Variants in DPP10 observed in about 807,000 individuals in gnomAD.
DPP10 encodes dipeptidyl peptidase like 10, also known as inactive dipeptidyl peptidase 10.
A neutral mutation model predicts 120.9 loss-of-function variants in DPP10; 33 were observed. The observed-to-expected ratio is 0.27, with a 90% CI of 0.21 to 0.37. The LOEUF (loss-of-function observed/expected upper bound fraction) is 0.37, where lower values mean the gene tolerates loss of function less well. Ranked by LOEUF, DPP10 falls within the 10% of genes least tolerant of loss-of-function variation. The pLI is 1.00. For synonymous variants in DPP10, 337 were observed against 326.1 expected, an observed-to-expected ratio of 1.03 and a Z score of -0.36; for missense variants, 816 against 942.8, an observed-to-expected ratio of 0.87 and a Z score of 1.76.
At chr2:115,366,735 C>G (rs914128437) in intron 3 of DPP10, among the ~76,000 whole-genome samples, 7 of 152,170 alleles carry the variant, frequency 4.6e-5, no homozygotes, top group Admixed American at 3.9e-4. Context: ...TCCACAGGTG[C>G]AGTTGCCTAG....
intron 1 of DPP10, among the ~76,000 whole-genome samples, chr2:115,272,744 C>T (rs184285621): frequency 1.9e-3 from 289 of 152,342 alleles, no homozygotes; most frequent in South Asian, 6.0e-3. Flanking sequence ...CACCTCCAGC[C>T]CCTCCCCTGC....
chr2:114,586,794 G>A (rs150912735), intron 1 of DPP10, among the ~76,000 whole-genome samples: 1 of 152,256 alleles, frequency 6.6e-6, no homozygotes, highest in East Asian at 1.9e-4. Context: ...GTTCCCATGA[G>A]AGTTCCCAAA....
At chr2:115,269,279 T>G (rs2059592724) in intron 1 of DPP10, among the ~76,000 whole-genome samples, 1 of 152,228 alleles carries the variant, frequency 6.6e-6, no homozygotes, top group Admixed American at 6.5e-5. Flanking sequence ...ATCTATTGAA[T>G]TTTTATTAAG....
chr2:114,689,075 C>T (rs866226442), intron 1 of DPP10, among the ~76,000 whole-genome samples: 79 of 149,880 alleles, frequency 5.3e-4, no homozygotes, highest in South Asian at 2.1e-4. Context: ...GTTTTTTTTT[C>T]TTCAACTGTT....
intron 5 of DPP10, among the ~76,000 whole-genome samples, chr2:115,592,530 C>G (rs2082724539): frequency 6.7e-6 from 1 of 150,362 alleles, no homozygotes; most frequent in South Asian, 2.1e-4. Context: ...GTCAAGAGAT[C>G]AAGACCATCC....
At chr2:114,876,756 C>T (rs1422216515) in intron 1 of DPP10, among the ~76,000 whole-genome samples, 2 of 151,906 alleles carry the variant, frequency 1.3e-5, no homozygotes, top group African/African-American at 4.8e-5. Flanking sequence ...CTCCATCTTC[C>T]CTGATACCTT....
At chr2:115,303,985 A>G (rs1462460019) in intron 1 of DPP10, among the ~76,000 whole-genome samples, 1 of 152,122 alleles carries the variant, frequency 6.6e-6, no homozygotes, top group Middle Eastern at 3.4e-3. Flanking sequence ...CTTTAATATC[A>G]TGAGACAATA....
At chr2:114,881,749 A>G (rs966445986) in intron 1 of DPP10, among the ~76,000 whole-genome samples, 1 of 152,162 alleles carries the variant, frequency 6.6e-6, no homozygotes, top group Admixed American at 6.5e-5. Flanking sequence ...AGATCATGAA[A>G]CAAGTTGTTT....
rs1285427783 is a variant in DPP10 at position 115,610,341 on chromosome 2, G to C, written c.442-79346G>C. On this transcript the variant is annotated intron_variant, in intron 5 of 25. Coordinates refer to ENST00000410059, the MANE Select transcript of DPP10 (RefSeq NM_020868.6). ...GAAATGTCTTCTATGACTAGTCTTA[G>C]AGGGTACAAGTTGTTATATTCACAG... Among the ~76,000 whole-genome samples, 3 of 152,100 alleles carry C rather than the reference G, an allele frequency of 2.0e-5. No homozygotes were observed. The East Asian group carries it at 5.8e-4, about 29-fold the overall frequency.
chr2:115,568,643 G>A (rs953029829), intron 5 of DPP10, among the ~76,000 whole-genome samples: 4 of 150,622 alleles, frequency 2.7e-5, no homozygotes, highest in Non-Finnish European at 5.9e-5. Flanking sequence ...GTACTTGGTC[G>A]TTATTCTAAA....
chr2:115,222,882 G>A (rs552627328), intron 1 of DPP10, among the ~76,000 whole-genome samples: 3 of 151,762 alleles, frequency 2.0e-5, no homozygotes, highest in African/African-American at 7.2e-5. Flanking sequence ...TTTCTAAAGA[G>A]CATTATTAAA....
intron 5 of DPP10, among the ~76,000 whole-genome samples, chr2:115,665,408 A>G (rs1034532359): frequency 1.3e-5 from 2 of 152,208 alleles, no homozygotes; most frequent in African/African-American, 4.8e-5. Context: ...CGTTTGGTCT[A>G]CAGTCTGCCC....
chr2:115,000,660 T>C (rs1443806705), intron 1 of DPP10, among the ~76,000 whole-genome samples: 2 of 152,190 alleles, frequency 1.3e-5, no homozygotes, highest in Non-Finnish European at 2.9e-5. Context: ...ATCATGGTTA[T>C]AAAATATACT....
intron 1 of DPP10, among the ~76,000 whole-genome samples, chr2:115,004,745 C>T (rs1029071263): frequency 3.3e-5 from 5 of 152,166 alleles, no homozygotes; most frequent in African/African-American, 1.2e-4. Context: ...TGATTGCTAG[C>T]ACAGCAGTCT....
At chr2:114,821,274 T>G (rs1358274928) in intron 1 of DPP10, among the ~76,000 whole-genome samples, 1 of 152,024 alleles carries the variant, frequency 6.6e-6, no homozygotes, top group Non-Finnish European at 1.5e-5. Context: ...ACTGGGGATA[T>G]GTGGGGGTGG....
intron 1 of DPP10, among the ~76,000 whole-genome samples, chr2:115,283,651 G>A (rs1234583295): frequency 6.6e-6 from 1 of 151,888 alleles, no homozygotes; most frequent in Non-Finnish European, 1.5e-5. Flanking sequence ...GTAGGGGAGA[G>A]GTCAAATAAC....
intron 1 of DPP10, among the ~76,000 whole-genome samples, chr2:115,121,993 T>G (rs2049848879): frequency 6.6e-6 from 1 of 152,214 alleles, no homozygotes. Context: ...CGAAGGGTCA[T>G]GTCCTGTGGT....
intron 1 of DPP10, among the ~76,000 whole-genome samples, chr2:114,944,408 T>A (rs1697198485): frequency 6.6e-6 from 1 of 152,190 alleles, no homozygotes; most frequent in African/African-American, 2.4e-5. Context: ...ACTAGTGAAT[T>A]TGATTCATGC....
At chr2:115,502,867 A>T (rs1309296443) in intron 4 of DPP10, among the ~76,000 whole-genome samples, 1 of 46,650 alleles carries the variant, frequency 2.1e-5, no homozygotes, top group East Asian at 8.3e-4. Flanking sequence ...CTAATTTTTT[A>T]AAACAGTTTT....
Sources: allele counts gnomAD v4.1 joint callset (sites outside exome capture counted in the v4.1 genomes callset), GRCh38; gene constraint gnomAD v4.1.1; transcripts MANE v1.5; gene names NCBI Gene and HGNC (gene_info 2026-07-23, HGNC 2026-07-21).